Variants in FTCDNL1 observed in about 807,000 individuals in gnomAD.
The protein encoded by FTCDNL1 is formiminotransferase cyclodeaminase N-terminal like, also known as formiminotransferase N-terminal subdomain-containing protein.
FTCDNL1 carries 11 observed loss-of-function variants against 5.9 expected under a neutral mutation model. That is an observed-to-expected ratio of 1.87 (90% CI 1.18 to 3.10). The LOEUF (loss-of-function observed/expected upper bound fraction) is 3.10. FTCDNL1 is among the 30% of genes most tolerant of loss of function. FTCDNL1 has a pLI of 0.00. For missense variants in FTCDNL1, 115 were observed against 65.5 expected, an observed-to-expected ratio of 1.76 and a Z score of -2.61; for synonymous variants, 58 against 24.8, an observed-to-expected ratio of 2.34 and a Z score of -3.99.
At chr2:199,688,932 T>C in the FTCDNL1 span, among the ~76,000 whole-genome samples, 2 of 152,186 alleles carry the variant, frequency 1.3e-5, no homozygotes, top group African/African-American at 4.8e-5. Context: ...GGGCAGCTAC[T>C]CAGCTACTCA....
chr2:199,737,675 G>A, the FTCDNL1 span, among the ~76,000 whole-genome samples: 2 of 152,206 alleles, frequency 1.3e-5, no homozygotes, highest in Non-Finnish European at 2.9e-5. Context: ...CCTGGGCACA[G>A]AGCTGGCTTC....
chr2:199,777,815 C>T (rs187416756), intron 3 of FTCDNL1, among the ~76,000 whole-genome samples: 52 of 152,094 alleles, frequency 3.4e-4, no homozygotes, highest in Non-Finnish European at 5.1e-4. Context: ...GTTCATGTGG[C>T]CTGAACCTCC....
rs188965119 is a variant in FTCDNL1 at position 199,761,869 on chromosome 2, A to T, written c.212-1034T>A. Among the ~76,000 whole-genome samples, 7 of 152,318 alleles carry T rather than the reference A, an allele frequency of 4.6e-5. No individual in the cohort carries two copies. The East Asian group carries it at 1.3e-3, about 29-fold the overall frequency. On this transcript the variant is annotated intron_variant, in intron 3 of 3. Transcript: ENST00000416668. Reference sequence around the variant, plus strand: ...TTACCTCCTCAGAAGCCGCCCTCAGAACCTGATCAAAAGTTGTTCTATTTT... The same window carrying T: ...TTACCTCCTCAGAAGCCGCCCTCAGTACCTGATCAAAAGTTGTTCTATTTT...
chr2:199,828,452 G>A (rs1296617112), intron 3 of FTCDNL1, among the ~76,000 whole-genome samples: 1 of 152,180 alleles, frequency 6.6e-6, no homozygotes, highest in Non-Finnish European at 1.5e-5. Context: ...GTTCAGATTT[G>A]CTGTAAAGCC....
At chr2:199,671,550 T>G in the FTCDNL1 span, among the ~76,000 whole-genome samples, 105 of 152,282 alleles carry the variant, frequency 6.9e-4, no homozygotes, top group African/African-American at 2.4e-3. Flanking sequence ...TTTGACAATA[T>G]GCAAAAGTTT....
chr2:199,703,492 A>G, the FTCDNL1 span, among the ~76,000 whole-genome samples: 1 of 152,210 alleles, frequency 6.6e-6, no homozygotes, highest in Non-Finnish European at 1.5e-5. Context: ...TAGGTAAACT[A>G]TATTGATCAA....
At chr2:199,822,703 A>G (rs1701773837) in intron 3 of FTCDNL1, among the ~76,000 whole-genome samples, 3 of 152,262 alleles carry the variant, frequency 2.0e-5, no homozygotes, top group Admixed American at 2.0e-4. Flanking sequence ...ATGCTGCTTT[A>G]TCAATTCAGT....
At chr2:199,707,299 C>T in the FTCDNL1 span, among the ~76,000 whole-genome samples, 1 of 151,986 alleles carries the variant, frequency 6.6e-6, no homozygotes, top group Non-Finnish European at 1.5e-5. Flanking sequence ...GCCAACTGGG[C>T]CTGAAGATTA....
chr2:199,796,250 T>C (rs777764983), intron 3 of FTCDNL1, among the ~76,000 whole-genome samples: 12 of 152,180 alleles, frequency 7.9e-5, no homozygotes, highest in Non-Finnish European at 2.9e-5. Flanking sequence ...CAATGAATAA[T>C]GCCAGAATAG....
Position 199,810,182 on chromosome 2 carries a change from T to C in FTCDNL1, c.*2523A>G, listed in dbSNP as rs1447437269. Among the ~76,000 whole-genome samples, 1 of 152,160 alleles carries C rather than the reference T, an allele frequency of 6.6e-6. No homozygotes were observed. The highest frequency in any genetic ancestry group is 1.5e-5 in the Non-Finnish European group (1 of 68,032). ...CATCTCCATGGGGGCTTGAATTCAATGACAGGCCTAAGAGTCTCAGAGACA... is the reference window on the plus strand; with the variant it reads ...CATCTCCATGGGGGCTTGAATTCAACGACAGGCCTAAGAGTCTCAGAGACA... On this transcript the variant is annotated 3_prime_UTR_variant, in exon 5 of 5. Transcript: ENST00000420128.
chr2:199,819,523 G>GT (rs1158138960), intron 4 of FTCDNL1, 49 bp downstream of exon 4: 4 of 671,924 alleles, frequency 6.0e-6, no homozygotes, highest in South Asian at 3.1e-5. Flanking sequence ...GGGACCTCAA[G>GT]TTTAAAAAAA....
chr2:199,751,892 T>C, the FTCDNL1 span, among the ~76,000 whole-genome samples: 4 of 145,946 alleles, frequency 2.7e-5, no homozygotes, highest in Non-Finnish European at 4.6e-5. Context: ...ATTTTTTTTT[T>C]ATGTTTATTA....
chr2:199,849,274 T>C (rs1253314158), intron 1 of FTCDNL1, among the ~76,000 whole-genome samples: 1 of 152,246 alleles, frequency 6.6e-6, no homozygotes, highest in Non-Finnish European at 1.5e-5. Flanking sequence ...ATTTTAAGCA[T>C]AGTTTTCCTT....
chr2:199,845,934 T>A (rs778831403), intron 3 of FTCDNL1, 141 bp downstream of exon 3: 4 of 419,104 alleles, frequency 9.5e-6, no homozygotes, highest in Non-Finnish European at 1.7e-5. Flanking sequence ...GAAAAATGAT[T>A]AAGTGTAGCT....
the FTCDNL1 span, among the ~76,000 whole-genome samples, chr2:199,687,516 C>T: frequency 6.6e-6 from 1 of 152,168 alleles, no homozygotes; most frequent in African/African-American, 2.4e-5. Flanking sequence ...ACAGGTGAGC[C>T]AGTTAATGTT....
chr2:199,726,399 A>G, the FTCDNL1 span, among the ~76,000 whole-genome samples: 299 of 152,212 alleles, frequency 2.0e-3, 2 homozygotes, highest in African/African-American at 6.8e-3. Flanking sequence ...CAATTCATCC[A>G]TCTCAGCCTC....
chr2:199,796,563 T>G (rs1038477884), intron 3 of FTCDNL1, among the ~76,000 whole-genome samples: 3 of 152,194 alleles, frequency 2.0e-5, no homozygotes, highest in African/African-American at 7.2e-5. Flanking sequence ...GGTTTTAACT[T>G]TAAACAATCA....
At chr2:199,832,135 G>T (rs1417489087) in intron 3 of FTCDNL1, among the ~76,000 whole-genome samples, 3 of 152,142 alleles carry the variant, frequency 2.0e-5, no homozygotes, top group Non-Finnish European at 1.5e-5. Flanking sequence ...GTTTCATAGA[G>T]ATATGTATAC....
intron 3 of FTCDNL1, among the ~76,000 whole-genome samples, chr2:199,823,257 A>C (rs1448586614): frequency 6.6e-6 from 1 of 152,050 alleles, no homozygotes; most frequent in Non-Finnish European, 1.5e-5. Flanking sequence ...GACTTCCTCC[A>C]CTAAAGTCTT....
Sources: gnomAD v4.1 joint callset for allele counts (sites outside exome capture counted in the v4.1 genomes callset) on GRCh38, gnomAD v4.1.1 for gene constraint, MANE v1.5 for transcripts, NCBI Gene and HGNC (gene_info 2026-07-23, HGNC 2026-07-21) for gene names.